Variants in GAPDHS observed in about 807,000 individuals in gnomAD.
GAPDHS encodes the protein glyceraldehyde-3-phosphate dehydrogenase, testis-specific.
GAPDHS carries 42 observed loss-of-function variants against 48.7 expected under a neutral mutation model. The observed-to-expected ratio is 0.86, with a 90% CI of 0.67 to 1.12. The LOEUF (loss-of-function observed/expected upper bound fraction) is 1.12, where lower values mean the gene tolerates loss of function less well. Among genes scored for constraint, GAPDHS ranks in the 50% most tolerant of loss-of-function variants. The probability of loss-of-function intolerance (pLI) is 0.00; values close to 1 mark genes in which losing one functional copy is unlikely to be tolerated. For synonymous variants in GAPDHS, 166 were observed against 219.1 expected (o/e 0.76, Z 2.14); for missense variants, 512 against 557.7 (o/e 0.92, Z 0.82).
intron 2 of GAPDHS, among the ~76,000 whole-genome samples, chr19:35,537,227 A>G (rs1175083928): frequency 6.6e-6 from 1 of 152,206 alleles, no homozygotes; most frequent in Non-Finnish European, 1.5e-5. Flanking sequence ...AACAGTGTAG[A>G]ATCCAGTGGA....
rs1014907524 is a variant in GAPDHS at position 35,542,342 on chromosome 19, G to A, written c.473G>A (p.Trp158Ter). 8 of 1,612,242 alleles carry A rather than the reference G, an allele frequency of 5.0e-6. No homozygotes were observed. The African/African-American group carries it at 8.0e-5, about 16-fold the overall frequency. ...AGCAAAGAGCCCAAACAGATCCCCT[G>A]GAGGGCTGTCGGGAGCCCCTACGTG... ...YQCKEPKQIP[W>*]RAVGSPYVVE... The change falls in exon 5 of 11, where the codon TGG becomes TAG. Residue 158 changes from tryptophan to a stop codon, truncating the protein, a stop_gained. Transcript: ENST00000222286. LOFTEE classifies it high-confidence loss of function.
intron 6 of GAPDHS, 128 bp downstream of exon 6, chr19:35,542,736 C>A (rs1005170939): frequency 2.6e-6 from 2 of 772,100 alleles, no homozygotes; most frequent in African/African-American, 1.7e-5. Context: ...CTGCTAAAAA[C>A]GCATGACTTC....
intron 4 of GAPDHS, among the ~76,000 whole-genome samples, chr19:35,540,225 C>T (rs918654656): frequency 6.6e-6 from 1 of 152,238 alleles, no homozygotes; most frequent in South Asian, 2.1e-4. Flanking sequence ...TGGCCTTGCA[C>T]GGAGGGCTCT....
rs1394642397 is a variant in GAPDHS at position 35,542,561 on chromosome 19, G to T, written c.612G>T (p.Met204Ile). ...CACCGGATGCACCAATGTTCGTCAT[G>T]GGTGTCAATGAAAATGACTATAACC... The part of the protein sequence containing the change: ...APSPDAPMFV[M>I]GVNENDYNPG... The change falls in exon 6 of 11, where the codon ATG (methionine) becomes ATT (isoleucine). Residue 204 changes from methionine (M) to isoleucine (I), a missense_variant. Physicochemically the swap from Met to Ile is conservative, Grantham distance 10 (BLOSUM62 1). Coordinates refer to ENST00000222286, the MANE Select transcript of GAPDHS (RefSeq NM_014364.5). The T allele has an allele frequency of 3.0e-5, 49 of 1,613,624 alleles. No individual in the cohort carries two copies. The highest frequency in any genetic ancestry group is 4.2e-5 in the Non-Finnish European group (49 of 1,179,552).
rs766807416 is a variant in GAPDHS, at chr19:35,542,595, A to G, written c.646A>G (p.Met216Val). The G allele has an allele frequency of 1.1e-5, 18 of 1,608,702 alleles. No individual in the cohort carries two copies. In the East Asian group the frequency reaches 3.3e-4, roughly 30 times the overall value. Reference protein sequence around the residue: ...VNENDYNPGSMNIVSNASCTT... With the variant: ...VNENDYNPGSVNIVSNASCTT... ...TGAAAATGACTATAACCCTGGCTCC[A>G]TGAACATTGTGAGGTAATGTGGGCA... The change falls in exon 6 of 11, where the codon ATG (methionine) becomes GTG (valine). Residue 216 changes from methionine (M) to valine (V), a missense_variant. Physicochemically the swap from Met to Val is conservative, Grantham distance 21 (BLOSUM62 1). Transcript: ENST00000222286.
At chr19:35,536,143 A>T (rs2071464774) in intron 1 of GAPDHS, among the ~76,000 whole-genome samples, 1 of 152,138 alleles carries the variant, frequency 6.6e-6, no homozygotes, top group Non-Finnish European at 1.5e-5. Context: ...CATGTCAAAC[A>T]TTTCCTCGGC....
chr19:35,538,078 AAT>A (rs59068277), intron 2 of GAPDHS, among the ~76,000 whole-genome samples: 90,646 of 149,862 alleles, frequency 0.6, 27,551 homozygotes, highest in East Asian at 0.75. Context: ...TCCATCTCAA[AAT>A]ATATATATAT....
chr19:35,535,318 C>T (rs1489969128), intron 1 of GAPDHS, among the ~76,000 whole-genome samples: 2 of 152,186 alleles, frequency 1.3e-5, no homozygotes, highest in African/African-American at 2.4e-5. Context: ...ATGGGTTTCA[C>T]AGAGTATGAT....
Position 35,545,246 on chromosome 19 carries a change from C to T in GAPDHS, c.*76C>T, listed in dbSNP as rs2071538655. The T allele has an allele frequency of 7.8e-7, 1 of 1,283,984 alleles. No homozygotes were observed. The highest frequency in any genetic ancestry group is 1.7e-5 in the Admixed American group (1 of 58,358). The allele number at this position is 1,283,984 out of a possible 1,614,324, so 79.5% of individuals were successfully genotyped here. A position where few individuals can be genotyped will look rare whatever the true frequency, so the allele number is the denominator to read the frequency against. ...CCTCCCGTTCCAGCATCTGGCTGCC[C>T]GGGGGAGGAAGGACACCCGGGGCGG... On this transcript the variant is annotated 3_prime_UTR_variant, in exon 11 of 11. Coordinates refer to ENST00000222286, the MANE Select transcript of GAPDHS (RefSeq NM_014364.5).
rs774587010 is a variant in GAPDHS, at chr19:35,538,300, T to C, written c.246-7T>C. The C allele has an allele frequency of 8.7e-6, 14 of 1,606,866 alleles. No homozygotes were observed. In the South Asian group the frequency reaches 1.4e-4, roughly 16 times the overall value. On this transcript the variant is annotated splice_region_variant and splice_polypyrimidine_tract_variant and intron_variant, in intron 2 of 10. Transcript: ENST00000222286. ...TCTCCCATCCCTTCCTGTCTGTCCC[T>C]GGCCAGATTTGGACGCATCGGTCGC... is the stretch of plus-strand genomic sequence containing the variant.
At position 35,533,553 on chromosome 19, in the gene GAPDHS, C is replaced by A. The variant is rs1181296027; in HGVS notation, c.26C>A (p.Thr9Asn). 2 of 1,613,552 alleles carry A rather than the reference C, an allele frequency of 1.2e-6. No homozygotes were observed. Among genetic ancestry groups the A allele is most frequent in the Non-Finnish European group, 1.7e-6 (2 of 1,179,864 alleles). The change falls in exon 1 of 11, where the codon ACC becomes AAC. Residue 9 changes from threonine (T) to asparagine (N), a missense_variant. Physicochemically the swap from Thr to Asn is moderately conservative, Grantham distance 65. Coordinates refer to ENST00000222286, the MANE Select transcript of GAPDHS (RefSeq NM_014364.5). MSKRDIVL[T>N]NVTVVQLLRQ... is the part of the protein sequence containing the mutation. ...ATGTCGAAGCGCGACATCGTCCTCA[C>A]CAATGTCACCGTTGTCCAGTTGCTG...
At chr19:35,537,086 A>G in intron 2 of GAPDHS, 96 bp downstream of exon 2, 1 of 1,069,708 alleles carries the variant, frequency 9.3e-7, no homozygotes, top group Non-Finnish European at 1.4e-6. Flanking sequence ...CCCCCCATCA[A>G]TGCTTTCGTT....
In GAPDHS at chr19:35,542,422, G is replaced by A. The variant is rs2071510352; in HGVS notation, c.540+13G>A. 6.2e-7 allele frequency: 1 copy of A among 1,607,308 alleles called. No individual in the cohort carries two copies. Among genetic ancestry groups the A allele is most frequent in the African/African-American group, 1.3e-5 (1 of 74,766 alleles). On this transcript the variant is annotated intron_variant, in intron 5 of 10. Transcript: ENST00000222286. ...ACAGGCAGCTTCGGTAAGCTGGGGA[G>A]AGGTGCCCAGGGCTAGCTGGGGGGA... is the stretch of plus-strand genomic sequence containing the variant.
At chr19:35,542,171 T>A in intron 4 of GAPDHS, 148 bp from the exon 5 acceptor site, 2 of 631,428 alleles carry the variant, frequency 3.2e-6, no homozygotes, top group Non-Finnish European at 5.8e-6. Context: ...GTGGAGCCCA[T>A]CTGGAACAAG....
chr19:35,543,748 C>A lies in GAPDHS; in HGVS notation c.977C>A (p.Pro326His). ...DLTCRLAQPAPYSAIKEAVKA... is the reference protein window; with the variant it reads ...DLTCRLAQPAHYSAIKEAVKA... ...ACCTGCCGCCTCGCCCAGCCTGCCCCCTACTCAGCCATCAAGGAGGCTGTA... is the reference window on the plus strand; with the variant it reads ...ACCTGCCGCCTCGCCCAGCCTGCCCACTACTCAGCCATCAAGGAGGCTGTA... Residue 326 changes from proline (P) to histidine (H), a missense_variant, in exon 9 of 11, where the codon CCC becomes CAC. Pro to His is a moderately conservative substitution (Grantham distance 77). Coordinates refer to ENST00000222286, the MANE Select transcript of GAPDHS (RefSeq NM_014364.5). 1 of 1,614,072 alleles carries A rather than the reference C, an allele frequency of 6.2e-7. No homozygotes were observed. Among genetic ancestry groups the A allele is most frequent in the Non-Finnish European group, 8.5e-7 (1 of 1,180,024 alleles).
intron 4 of GAPDHS, among the ~76,000 whole-genome samples, chr19:35,540,340 G>T (rs1352494330): frequency 1.3e-5 from 2 of 152,244 alleles, no homozygotes; most frequent in African/African-American, 4.8e-5. Context: ...AAACAGCCTG[G>T]TGGGCAGGAG....
chr19:35,537,301 A>T (rs145576267), intron 2 of GAPDHS, among the ~76,000 whole-genome samples: 154 of 152,302 alleles, frequency 1.0e-3, no homozygotes, highest in Admixed American at 8.8e-3. Flanking sequence ...AGAAGGTGTC[A>T]TTGGAGCGGG....
chr19:35,534,939 C>A (rs1197229529), intron 1 of GAPDHS, among the ~76,000 whole-genome samples: 1 of 151,974 alleles, frequency 6.6e-6, no homozygotes, highest in African/African-American at 2.4e-5. Context: ...CCCTTCTCCA[C>A]CCCCTGCTGT....
At chr19:35,533,685 C>A (rs2071446860) in intron 1 of GAPDHS, 91 bp downstream of exon 1, 1 of 990,238 alleles carries the variant, frequency 1.0e-6, no homozygotes, top group South Asian at 1.5e-5. Flanking sequence ...CCCTACCGCC[C>A]TTCCTGGCGT....
Sources: gnomAD v4.1 joint callset for allele counts (sites outside exome capture counted in the v4.1 genomes callset) on GRCh38, gnomAD v4.1.1 for gene constraint, MANE v1.5 for transcripts, NCBI Gene and HGNC (gene_info 2026-07-23, HGNC 2026-07-21) for gene names.